The following MTOR variants were observed in gnomAD, a reference collection of about 807,000 sequenced individuals.
MTOR encodes the protein mechanistic target of rapamycin kinase.
A neutral mutation model predicts 319.8 loss-of-function variants in MTOR; 70 were observed. That is an observed-to-expected ratio of 0.22 (90% CI 0.18 to 0.27). MTOR has a LOEUF of 0.27. Among genes scored for constraint, MTOR ranks in the 10% least tolerant of loss-of-function variants. The probability of loss-of-function intolerance (pLI) is 1.00; values close to 1 mark genes in which losing one functional copy is unlikely to be tolerated. For missense variants in MTOR, 1,890 were observed against 3,274.4 expected (o/e 0.58, Z 10.32); for synonymous variants, 1,183 against 1,211.4 (o/e 0.98, Z 0.49).
chr1:11,193,746 A>G, intron 28 of MTOR: 1 of 1,614,138 alleles, frequency 6.2e-7, no homozygotes, highest in East Asian at 2.2e-5. Context: ...CTCTCCAGAC[A>G]GCCAACCCGG....
At chr1:11,180,910 G>A (rs1645125754) in intron 28 of MTOR, among the ~76,000 whole-genome samples, 1 of 151,930 alleles carries the variant, frequency 6.6e-6, no homozygotes, top group African/African-American at 2.4e-5. Flanking sequence ...CCAAGTAGCT[G>A]GGACTACAGG....
At chr1:11,220,792 T>C (rs1417601803) in intron 19 of MTOR, among the ~76,000 whole-genome samples, 7 of 152,256 alleles carry the variant, frequency 4.6e-5, no homozygotes, top group South Asian at 2.1e-4. Flanking sequence ...GTCAGAAATA[T>C]AACCTAGAGA....
Position 11,233,382 on chromosome 1 carries a change from G to T in MTOR, c.2421+16C>A. On this transcript the variant is annotated intron_variant, in intron 15 of 57. Coordinates refer to ENST00000361445, the MANE Select transcript of MTOR (RefSeq NM_004958.4). ...CCACCCTATCTCCGCTATGGAAAAA[G>T]TAGCTGCCCCTTTACCTGTGCCAAT... The T allele has an allele frequency of 6.2e-7, 1 of 1,610,340 alleles. No individual in the cohort carries two copies. The highest frequency in any genetic ancestry group is 8.5e-7 in the Non-Finnish European group (1 of 1,177,190).
intron 5 of MTOR, among the ~76,000 whole-genome samples, chr1:11,255,528 A>G (rs1012104358): frequency 5.9e-5 from 9 of 152,166 alleles, no homozygotes; most frequent in African/African-American, 2.2e-4. Context: ...AATGCAATAA[A>G]GTAACTATTG....
chr1:11,255,785 T>A lies in MTOR; in HGVS notation c.705+207A>T, dbSNP rs545206816. Among the ~76,000 whole-genome samples the A allele has an allele frequency of 2.1e-4, 31 of 146,354 alleles. No homozygotes were observed. The South Asian group carries it at 4.3e-3, about 20-fold the overall frequency. ...TCGCTTGAACCCAAGAGGCGGAGGT[T>A]GCAGTGAGCCGAGATTGCGCCACTG... On this transcript the variant is annotated intron_variant, in intron 5 of 57. Transcript: ENST00000361445.
intron 47 of MTOR, 113 bp downstream of exon 47, chr1:11,124,385 G>T: frequency 7.3e-7 from 1 of 1,367,612 alleles, no homozygotes; most frequent in Non-Finnish European, 1.0e-6. Context: ...ACCATGCCTG[G>T]CTCCCTAATT....
chr1:11,185,551 A>G (rs1217515862), intron 28 of MTOR, among the ~76,000 whole-genome samples: 3 of 152,092 alleles, frequency 2.0e-5, no homozygotes, highest in African/African-American at 7.2e-5. Flanking sequence ...GGCTGCAATG[A>G]GCCATGGTTG....
intron 28 of MTOR, among the ~76,000 whole-genome samples, chr1:11,197,688 T>A (rs1195080326): frequency 6.6e-6 from 1 of 152,144 alleles, no homozygotes; most frequent in Non-Finnish European, 1.5e-5. Flanking sequence ...AATACAGATG[T>A]GCGCCACCAC....
In MTOR at chr1:11,221,315, G is replaced by C. The variant is rs113260840; in HGVS notation, c.3031-5081C>G. On this transcript the variant is annotated intron_variant, in intron 19 of 57. Coordinates refer to ENST00000361445, the MANE Select transcript of MTOR (RefSeq NM_004958.4). ...CAGCCTAAATTTTTTGTAAACTCAAGGAAATTTCTAAAAATTGAAAATAAA... is the reference window on the plus strand; with the variant it reads ...CAGCCTAAATTTTTTGTAAACTCAACGAAATTTCTAAAAATTGAAAATAAA... 2.1e-3 allele frequency among the ~76,000 whole-genome samples: 325 copies of C among 151,984 alleles called. 3 individuals carry two copies. The highest frequency in any genetic ancestry group is 7.0e-3 in the African/African-American group (291 of 41,448).
At chr1:11,118,902 T>C (rs550623094) in intron 49 of MTOR, among the ~76,000 whole-genome samples, 1 of 152,082 alleles carries the variant, frequency 6.6e-6, no homozygotes, top group African/African-American at 2.4e-5. Context: ...GTTGGGATTA[T>C]AGACGTGAGC....
intron 29 of MTOR, among the ~76,000 whole-genome samples, chr1:11,160,410 TA>T (rs1225226077): frequency 6.6e-6 from 1 of 152,184 alleles, no homozygotes; most frequent in Admixed American, 6.5e-5. Context: ...GTATAGCATA[TA>T]TTTTCTAAAG....
In MTOR at chr1:11,115,930, CAG is replaced by C. The variant is rs1332533800; in HGVS notation, c.7017-464_7017-463del. 6.6e-6 allele frequency among the ~76,000 whole-genome samples: 1 copy of C among 152,244 alleles called. No homozygotes were observed. The highest frequency in any genetic ancestry group is 1.5e-5 in the Non-Finnish European group (1 of 68,042). On this transcript the variant is annotated intron_variant, in intron 50 of 57. Coordinates refer to ENST00000361445, the MANE Select transcript of MTOR (RefSeq NM_004958.4). This position sits in a 1 kb window ranked among gnomAD's most constrained non-coding sequence, Gnocchi z 4.5. Reference sequence around the variant, plus strand: ...TATCATTTTTACTGAGCAGCCGTAACAGGGTCTCATCTCCTTAAGTCCCTGAG... The same window carrying C: ...TATCATTTTTACTGAGCAGCCGTAACGGTCTCATCTCCTTAAGTCCCTGAG...
At chr1:11,138,425 C>T (rs945827775) in intron 36 of MTOR, among the ~76,000 whole-genome samples, 2 of 152,196 alleles carry the variant, frequency 1.3e-5, no homozygotes, top group African/African-American at 4.8e-5. Context: ...CTGGCTGATC[C>T]CACTCTGGGT....
At chr1:11,142,287 G>A (rs1643750365) in intron 34 of MTOR, among the ~76,000 whole-genome samples, 1 of 151,992 alleles carries the variant, frequency 6.6e-6, no homozygotes, top group Non-Finnish European at 1.5e-5. Flanking sequence ...GCAGAAGCAG[G>A]CAGAACTCCT....
At chr1:11,130,379 G>T in intron 39 of MTOR, 150 bp downstream of exon 39, 1 of 1,237,508 alleles carries the variant, frequency 8.1e-7, no homozygotes, top group Non-Finnish European at 1.1e-6. Flanking sequence ...CCTATCTCAG[G>T]CAGTGCTGGA....
rs933023549 is a variant in MTOR, at chr1:11,167,976, G to A, written c.4254-459C>T. ...TCCCAGCTACTCAGGAGGCTGACGC[G>A]GGAGAATGGCGTGAACCTGGGAGGC... On this transcript the variant is annotated intron_variant, in intron 28 of 57. Transcript: ENST00000361445. Among the ~76,000 whole-genome samples, 5 of 151,962 alleles carry A rather than the reference G, an allele frequency of 3.3e-5. No individual in the cohort carries two copies. In the South Asian group the frequency reaches 6.2e-4, roughly 19 times the overall value.
At chr1:11,117,305 C>T (rs1185294610) in intron 49 of MTOR, among the ~76,000 whole-genome samples, 2 of 152,112 alleles carry the variant, frequency 1.3e-5, no homozygotes, top group Non-Finnish European at 1.5e-5. Flanking sequence ...AGATTACAGG[C>T]ACCCGCCACC....
At position 11,253,828 on chromosome 1, in the gene MTOR, T is replaced by C; in HGVS notation, c.840+11A>G. ...GGGGAGCCTGGACTCCCCTCTGCCG[T>C]GGCTTCTCACCTCTCCCTCCATGCT... On this transcript the variant is annotated intron_variant, in intron 6 of 57. Transcript: ENST00000361445. 2 of 1,614,068 alleles carry C rather than the reference T, an allele frequency of 1.2e-6. No individual in the cohort carries two copies. The highest frequency in any genetic ancestry group is 8.5e-7 in the Non-Finnish European group (1 of 1,179,954).
chr1:11,143,323 C>T (rs1455064786), intron 34 of MTOR, among the ~76,000 whole-genome samples: 1 of 152,190 alleles, frequency 6.6e-6, no homozygotes, highest in Non-Finnish European at 1.5e-5. Context: ...CCATGCCTCC[C>T]CTCTCCTCTA....
Sources: allele counts gnomAD v4.1 joint callset (sites outside exome capture counted in the v4.1 genomes callset), GRCh38; gene constraint gnomAD v4.1.1; non-coding constraint Gnocchi (gnomAD v3.1); transcripts MANE v1.5; gene names NCBI Gene and HGNC (gene_info 2026-07-23, HGNC 2026-07-21).